The following MYO1H variants were observed in gnomAD, a reference collection of about 807,000 sequenced individuals.
The protein encoded by MYO1H is unconventional myosin-Ih.
Under a neutral mutation model 149.3 loss-of-function variants are expected in MYO1H, and 118 were observed. That is an observed-to-expected ratio of 0.79 (90% CI 0.68 to 0.92). The LOEUF is 0.92. Among genes scored for constraint, MYO1H ranks in the 40% least tolerant of loss-of-function variants. The pLI is 0.00. For missense variants in MYO1H, 1,212 were observed against 1,280.7 expected (o/e 0.95, Z 0.82); for synonymous variants, 447 against 465.2 (o/e 0.96, Z 0.50).
chr12:109,332,309 G>A, the MYO1H span, among the ~76,000 whole-genome samples: 2 of 152,212 alleles, frequency 1.3e-5, no homozygotes, highest in African/African-American at 4.8e-5. Flanking sequence ...CCAGAAACAG[G>A]AGATGGGAAG....
exon 15 of MYO1H, chr12:109,415,581 C>T (rs754468061): frequency 6.2e-7 from 1 of 1,606,774 alleles, no homozygotes; most frequent in Non-Finnish European, 8.5e-7. Context: ...GGAGTTCCGA[C>T]TCCTCCACTA....
At chr12:109,407,883 C>A in exon 10 of MYO1H, 1 of 1,613,966 alleles carries the variant, frequency 6.2e-7, no homozygotes, top group South Asian at 1.1e-5. Context: ...CTTGGCTGGT[C>A]AACAAAATCA....
chr12:109,396,442 A>G, exon 4 of MYO1H: 1 of 1,613,958 alleles, frequency 6.2e-7, no homozygotes, highest in South Asian at 1.1e-5. Context: ...TAACCATTTC[A>G]TCCTCATTTC....
chr12:109,424,023 C>T (rs979904007), intron 16 of MYO1H, among the ~76,000 whole-genome samples: 3 of 152,206 alleles, frequency 2.0e-5, no homozygotes, highest in Admixed American at 6.5e-5. Flanking sequence ...TTGTATTGTG[C>T]GTCCTTCCAG....
At chr12:109,354,276 C>T (rs1292589235) in intron 1 of MYO1H, 1 of 152,102 alleles carries the variant, frequency 6.6e-6, no homozygotes, top group Admixed American at 6.6e-5. Context: ...CTTTTACTCT[C>T]CGTCTCCTCC....
intron 6 of MYO1H, among the ~76,000 whole-genome samples, chr12:109,402,547 C>T (rs190563637): frequency 1.3e-5 from 2 of 152,078 alleles, no homozygotes; most frequent in South Asian, 2.1e-4. Context: ...GCAGGAGGAT[C>T]GCTTGAGTCC....
intron 20 of MYO1H, among the ~76,000 whole-genome samples, chr12:109,433,254 G>T (rs890979490): frequency 1.3e-5 from 2 of 152,136 alleles, no homozygotes. Flanking sequence ...TTAGCAGATG[G>T]GCCTCCTTGC....
intron 23 of MYO1H, among the ~76,000 whole-genome samples, chr12:109,438,951 A>G (rs976487557): frequency 3.9e-5 from 6 of 152,242 alleles, no homozygotes; most frequent in African/African-American, 1.4e-4. Context: ...TGGAACGCTC[A>G]GTCTACCTCA....
intron 4 of MYO1H, 121 bp downstream of exon 4, chr12:109,396,703 A>C: frequency 1.3e-5 from 10 of 774,908 alleles, no homozygotes; most frequent in Non-Finnish European, 2.0e-5. Context: ...GGTCACACAG[A>C]TAGTGTCACA....
the MYO1H span, among the ~76,000 whole-genome samples, chr12:109,316,471 G>T: frequency 6.6e-6 from 1 of 152,198 alleles, no homozygotes; most frequent in African/African-American, 2.4e-5. Flanking sequence ...TGAGGTGAAC[G>T]TGAAACCAGG....
intron 26 of MYO1H, 53 bp from the exon 27 acceptor site, chr12:109,442,164 C>G: frequency 6.6e-7 from 1 of 1,508,018 alleles, no homozygotes; most frequent in Non-Finnish European, 9.2e-7. Flanking sequence ...AATGACTTTT[C>G]CACAGGATTG....
chr12:109,400,355 C>T (rs1010261438), intron 5 of MYO1H, among the ~76,000 whole-genome samples: 4 of 152,166 alleles, frequency 2.6e-5, no homozygotes, highest in Non-Finnish European at 4.4e-5. Flanking sequence ...CCCTTGCCAA[C>T]ATTTATATTC....
At position 109,435,143 on chromosome 12, in the gene MYO1H, A is replaced by G. The variant is rs764094756; in HGVS notation, c.2140+30A>G. 9.8e-6 allele frequency: 14 copies of G among 1,428,960 alleles called. No individual in the cohort carries two copies. The East Asian group carries it at 3.2e-4, about 32-fold the overall frequency. The allele number at this position is 1,428,960 out of a possible 1,614,324, so 88.5% of individuals were successfully genotyped here. The stretch of plus-strand genomic sequence containing the variant: ...GATTTCTTTTTCTGTCCCGATTTCA[A>G]TAGAATATGAAATGAACAAGTGGAG... On this transcript the variant is annotated intron_variant, in intron 21 of 31. Transcript: ENST00000310903.
the MYO1H span, among the ~76,000 whole-genome samples, chr12:109,341,229 C>A: frequency 7.0e-4 from 80 of 113,882 alleles, 1 homozygote; most frequent in Middle Eastern, 5.0e-3. Flanking sequence ...CGTTCCATCT[C>A]AAAAAAAAAA....
chr12:109,418,010 G>A (rs2135569394), intron 15 of MYO1H, among the ~76,000 whole-genome samples: 1 of 151,658 alleles, frequency 6.6e-6, no homozygotes, highest in East Asian at 2.0e-4. Flanking sequence ...TAGAGACGGG[G>A]TTTCACCGTG....
chr12:109,320,363 A>G, the MYO1H span, among the ~76,000 whole-genome samples: 3 of 149,048 alleles, frequency 2.0e-5, no homozygotes, highest in Non-Finnish European at 4.4e-5. Context: ...TAATCCCAAC[A>G]CTTTGGGAGG....
chr12:109,447,204 T>C, exon 32 of MYO1H: 5 of 1,587,850 alleles, frequency 3.1e-6, no homozygotes, highest in South Asian at 1.1e-5. Flanking sequence ...GTCTGACCTC[T>C]ACCATCGCCA....
chr12:109,432,714 CTCCTT>C (rs1871685066), intron 19 of MYO1H, among the ~76,000 whole-genome samples, 178 bp from the exon 20 acceptor site: 1 of 152,196 alleles, frequency 6.6e-6, no homozygotes, highest in African/African-American at 2.4e-5. Flanking sequence ...CAGTTTCTCT[CTCCTT>C]TCTTTCTTGC....
chr12:109,379,634 A>G (rs1869159199), intron 1 of MYO1H, among the ~76,000 whole-genome samples: 1 of 152,090 alleles, frequency 6.6e-6, no homozygotes, highest in South Asian at 2.1e-4. Flanking sequence ...AAAATAGCAT[A>G]TATAGTTTGC....
Sources: allele counts gnomAD v4.1 joint callset (sites outside exome capture counted in the v4.1 genomes callset), GRCh38; gene constraint gnomAD v4.1.1; transcripts MANE v1.5; gene names NCBI Gene and HGNC (gene_info 2026-07-23, HGNC 2026-07-21).